GAP43: variants seen among roughly 807,000 people sequenced by gnomAD.
GAP43 encodes neuromodulin.
In GAP43, 6 loss-of-function variants were observed where a neutral mutation model predicts 18.6. The ratio of observed to expected loss-of-function variants is 0.32; its 90% CI spans 0.18 to 0.64. The LOEUF (loss-of-function observed/expected upper bound fraction) is 0.64. Among genes scored for constraint, GAP43 ranks in the 30% least tolerant of loss-of-function variants. The pLI is 0.78. For missense variants in GAP43, 292 were observed against 295.5 expected (o/e 0.99, Z 0.09); for synonymous variants, 115 against 111.4 (o/e 1.03, Z -0.20).
chr3:115,653,016 G>C (rs938797382), intron 1 of GAP43, among the ~76,000 whole-genome samples: 1 of 152,222 alleles, frequency 6.6e-6, no homozygotes, highest in Non-Finnish European at 1.5e-5. Context: ...GAAGGATCTA[G>C]TTAGGTTAGA....
chr3:115,627,557 A>G (rs1486610137), intron 1 of GAP43, among the ~76,000 whole-genome samples: 1 of 151,974 alleles, frequency 6.6e-6, no homozygotes. Flanking sequence ...TGGCCCCATA[A>G]GGAAGGGTAC....
At chr3:115,634,393 A>G (rs964921044) in intron 1 of GAP43, among the ~76,000 whole-genome samples, 1 of 152,156 alleles carries the variant, frequency 6.6e-6, no homozygotes, top group Non-Finnish European at 1.5e-5. Context: ...ACTAGTTCCT[A>G]TAACAGCTGT....
At chr3:115,701,268 A>G (rs1380945694) in intron 2 of GAP43, among the ~76,000 whole-genome samples, 1 of 152,078 alleles carries the variant, frequency 6.6e-6, no homozygotes, top group Non-Finnish European at 1.5e-5. Context: ...CTGAAATGCC[A>G]GTTTGGTGTA....
chr3:115,649,796 TG>T (rs1246406329), intron 1 of GAP43, among the ~76,000 whole-genome samples: 1 of 131,916 alleles, frequency 7.6e-6, no homozygotes. Flanking sequence ...AGCAATATAG[TG>T]AGACCCTGTC....
chr3:115,669,224 C>T (rs1209854556), intron 1 of GAP43, among the ~76,000 whole-genome samples: 1 of 152,048 alleles, frequency 6.6e-6, no homozygotes, highest in Non-Finnish European at 1.5e-5. Flanking sequence ...TATAGCTTTG[C>T]TATTTCTTTT....
chr3:115,712,640 T>C (rs1709456694), intron 2 of GAP43, among the ~76,000 whole-genome samples: 1 of 152,184 alleles, frequency 6.6e-6, no homozygotes, highest in Admixed American at 6.5e-5. Context: ...AGGGCACGCA[T>C]TATTATTCAT....
intron 2 of GAP43, among the ~76,000 whole-genome samples, chr3:115,697,907 A>G (rs998519397): frequency 6.8e-6 from 1 of 147,788 alleles, no homozygotes; most frequent in African/African-American, 2.5e-5. Flanking sequence ...TTATAACTCA[A>G]TGTGATTGGA....
intron 1 of GAP43, among the ~76,000 whole-genome samples, chr3:115,653,829 T>G (rs1708550032): frequency 6.6e-6 from 1 of 152,166 alleles, no homozygotes; most frequent in Non-Finnish European, 1.5e-5. Flanking sequence ...AAAATAACAC[T>G]TTGCCTTGTT....
chr3:115,716,384 C>T (rs1709502227), intron 2 of GAP43, among the ~76,000 whole-genome samples: 1 of 152,094 alleles, frequency 6.6e-6, no homozygotes, highest in Non-Finnish European at 1.5e-5. Context: ...CATGCAGTCT[C>T]CTACCAAAAG....
chr3:115,676,150 G>A lies in GAP43; in HGVS notation c.168G>A (p.Lys56=), dbSNP rs28399390. 6.2e-7 allele frequency: 1 copy of A among 1,614,050 alleles called. No individual in the cohort carries two copies. Among genetic ancestry groups the A allele is most frequent in the African/African-American group, 1.3e-5 (1 of 74,930 alleles). Residue 56 remains lysine, a synonymous_variant, in exon 2 of 3, where the codon AAG becomes AAA. Coordinates refer to ENST00000305124, the MANE Select transcript of GAP43 (RefSeq NM_002045.4). The part of the protein sequence containing the change: ...ITRKKLKGEK[K]DDVQAAEAEA... ...GGAAAAAGCTCAAAGGAGAGAAGAA[G>A]GATGATGTCCAAGCTGCTGAGGCTG...
rs1709573302 is a variant in GAP43, at chr3:115,721,140, T to C, written c.*258T>C. 3 of 243,098 alleles carry C rather than the reference T, an allele frequency of 1.2e-5. No individual in the cohort carries two copies. Among genetic ancestry groups the C allele is most frequent in the African/African-American group, 2.3e-5 (1 of 44,430 alleles). The allele number at this position is 243,098 out of a possible 1,614,324, so 15.1% of individuals were successfully genotyped here. A position where few individuals can be genotyped will look rare whatever the true frequency, so the allele number is the denominator to read the frequency against. On this transcript the variant is annotated 3_prime_UTR_variant, in exon 3 of 3. Transcript: ENST00000305124. The stretch of plus-strand genomic sequence containing the variant: ...TGGTGTTGTTATGGCAAGTTTTTGG[T>C]AATGATGATTCAATCATTTTGGGAA...
At chr3:115,624,450 T>C (rs926542839) in intron 1 of GAP43, among the ~76,000 whole-genome samples, 4 of 152,152 alleles carry the variant, frequency 2.6e-5, no homozygotes, top group Middle Eastern at 6.8e-3. Flanking sequence ...GGAGCTCCGA[T>C]GGGATGGGAA....
intron 1 of GAP43, among the ~76,000 whole-genome samples, chr3:115,652,927 C>T (rs910892148): frequency 6.6e-6 from 1 of 152,084 alleles, no homozygotes; most frequent in Non-Finnish European, 1.5e-5. Flanking sequence ...ATTTTATATA[C>T]CTCTGCAACT....
intron 1 of GAP43, among the ~76,000 whole-genome samples, chr3:115,628,695 C>T (rs947570125): frequency 3.3e-5 from 5 of 152,102 alleles, no homozygotes; most frequent in East Asian, 1.9e-4. Flanking sequence ...AGACCCTGCT[C>T]AGTCTCCTTA....
rs377532285 is a variant in GAP43, at chr3:115,686,790, G to A, written c.628+10180G>A. On this transcript the variant is annotated intron_variant, in intron 2 of 2. Transcript: ENST00000305124. ...AATAGTTCTTCTCAGCTGGTTTTTC[G>A]GAGATGATTTCAGGGTTCAGATTGA... Among the ~76,000 whole-genome samples, 30 of 152,208 alleles carry A rather than the reference G, an allele frequency of 2.0e-4. No individual in the cohort carries two copies. The East Asian group carries it at 3.3e-3, about 17-fold the overall frequency.
At chr3:115,689,425 T>C (rs1439672135) in intron 2 of GAP43, among the ~76,000 whole-genome samples, 2 of 152,164 alleles carry the variant, frequency 1.3e-5, no homozygotes, top group Admixed American at 6.5e-5. Flanking sequence ...TATGGAGAGA[T>C]TTCTTTTCAT....
intron 2 of GAP43, among the ~76,000 whole-genome samples, chr3:115,705,213 TA>T (rs1317058876): frequency 6.6e-6 from 1 of 152,148 alleles, no homozygotes; most frequent in African/African-American, 2.4e-5. Flanking sequence ...ACCCAAGCAG[TA>T]GATATAAATA....
intron 2 of GAP43, among the ~76,000 whole-genome samples, chr3:115,701,449 C>G (rs1237068850): frequency 1.3e-5 from 2 of 151,956 alleles, no homozygotes; most frequent in African/African-American, 4.8e-5. Flanking sequence ...TGGTACCCAC[C>G]AATAATTGGT....
At chr3:115,671,319 C>T (rs913785741) in intron 1 of GAP43, among the ~76,000 whole-genome samples, 1 of 152,166 alleles carries the variant, frequency 6.6e-6, no homozygotes, top group African/African-American at 2.4e-5. Context: ...GCTTTCTTAT[C>T]TGTAATTCTT....
Sources: allele counts gnomAD v4.1 joint callset (sites outside exome capture counted in the v4.1 genomes callset), GRCh38; gene constraint gnomAD v4.1.1; transcripts MANE v1.5; gene names NCBI Gene and HGNC (gene_info 2026-07-23, HGNC 2026-07-21).